The following ANO4 variants were observed in gnomAD, a reference collection of about 807,000 sequenced individuals.
ANO4 encodes the protein anoctamin-4.
A neutral mutation model predicts 141.9 loss-of-function variants in ANO4; 69 were observed. The ratio of observed to expected loss-of-function variants is 0.49; its 90% CI spans 0.40 to 0.59. The LOEUF is 0.59. Among genes scored for constraint, ANO4 ranks in the 20% least tolerant of loss-of-function variants. The probability of loss-of-function intolerance (pLI) is 0.00; values close to 1 mark genes in which losing one functional copy is unlikely to be tolerated. For missense variants in ANO4, 894 were observed against 1,162.2 expected (o/e 0.77, Z 3.36); for synonymous variants, 350 against 394.3 (o/e 0.89, Z 1.33).
chr12:101,125,357 A>C (rs2051265920), intron 26 of ANO4, among the ~76,000 whole-genome samples: 1 of 152,142 alleles, frequency 6.6e-6, no homozygotes, highest in Admixed American at 6.5e-5. Flanking sequence ...CAGCTTAAGA[A>C]GCTTTTGGGC....
At chr12:100,782,561 A>G (rs1593321213) in intron 3 of ANO4, among the ~76,000 whole-genome samples, 2 of 152,146 alleles carry the variant, frequency 1.3e-5, no homozygotes, top group South Asian at 2.1e-4. Context: ...AATGAAGAGC[A>G]TAGGTTTTAG....
In ANO4 at chr12:100,987,593, G is replaced by A. The variant is rs1020243865; in HGVS notation, c.657G>A (p.Arg219=). ...FRRWLPKKPM[R]LDKETLPDLE... ...GATGGTTACCTAAGAAGCCAATGAG[G>A]CTGGACAAGGAGACACTGCCAGACC... is the stretch of plus-strand genomic sequence containing the variant. Residue 219 remains arginine, a synonymous_variant, in exon 8 of 28, where the codon AGG becomes AGA. Transcript: ENST00000392977. 1.2e-6 allele frequency: 2 copies of A among 1,614,054 alleles called. No homozygotes were observed. Among genetic ancestry groups the A allele is most frequent in the African/African-American group, 1.3e-5 (1 of 75,012 alleles).
chr12:100,717,905 C>T (rs777985484), intron 1 of ANO4, among the ~76,000 whole-genome samples: 1 of 152,192 alleles, frequency 6.6e-6, no homozygotes, highest in Non-Finnish European at 1.5e-5. Context: ...GTTCAGCCAG[C>T]GCTTATCTTG....
At chr12:100,964,361 T>C (rs2043555540) in intron 5 of ANO4, among the ~76,000 whole-genome samples, 1 of 152,104 alleles carries the variant, frequency 6.6e-6, no homozygotes, top group Admixed American at 6.6e-5. Context: ...GCTGTGAAAA[T>C]TGAATGATTT....
rs116801462 is a variant in ANO4, at chr12:101,051,967, C to T, written c.1312+3566C>T. On this transcript the variant is annotated intron_variant, in intron 14 of 27. Coordinates refer to ENST00000392977, the MANE Select transcript of ANO4 (RefSeq NM_001286615.2). ...TGGTCTCAGGATCATCTCTTATGAT[C>T]GACAAGTTACAGCATTAAAGAAAAC... Among the ~76,000 whole-genome samples the T allele has an allele frequency of 2.2e-3, 330 of 152,132 alleles. 1 individual carries two copies. The highest frequency in any genetic ancestry group is 7.7e-3 in the African/African-American group (321 of 41,514).
At chr12:100,784,891 A>G (rs1298254485) in intron 3 of ANO4, among the ~76,000 whole-genome samples, 3 of 150,996 alleles carry the variant, frequency 2.0e-5, no homozygotes, top group African/African-American at 7.3e-5. Flanking sequence ...TTAGAACTTG[A>G]CTTTGTTTTA....
intron 3 of ANO4, among the ~76,000 whole-genome samples, chr12:100,785,289 G>T (rs1178850470): frequency 6.6e-6 from 1 of 152,070 alleles, no homozygotes; most frequent in Non-Finnish European, 1.5e-5. Context: ...CTCACTCTTG[G>T]TATGGTATAT....
chr12:101,051,048 T>A (rs748057337), intron 14 of ANO4, among the ~76,000 whole-genome samples: 4 of 152,212 alleles, frequency 2.6e-5, no homozygotes, highest in African/African-American at 4.8e-5. Context: ...ACAGTTTACC[T>A]CCTGAGACTA....
intron 13 of ANO4, among the ~76,000 whole-genome samples, chr12:101,047,347 C>A (rs1215519263): frequency 2.0e-5 from 3 of 152,104 alleles, no homozygotes; most frequent in African/African-American, 7.2e-5. Flanking sequence ...TACTGAGTGC[C>A]CAATATACAG....
intron 5 of ANO4, among the ~76,000 whole-genome samples, chr12:100,968,304 T>G (rs2043767502): frequency 1.3e-5 from 2 of 152,178 alleles, no homozygotes; most frequent in Admixed American, 1.3e-4. Context: ...TTTAATATAT[T>G]TTTAATGTTT....
At chr12:100,808,638 T>C (rs1189353763) in intron 1 of ANO4, among the ~76,000 whole-genome samples, 1 of 152,250 alleles carries the variant, frequency 6.6e-6, no homozygotes, top group Non-Finnish European at 1.5e-5. Flanking sequence ...TGACATGGTT[T>C]ATAAGTATTT....
At chr12:100,842,704 T>C (rs1277521891) in intron 1 of ANO4, among the ~76,000 whole-genome samples, 5 of 152,088 alleles carry the variant, frequency 3.3e-5, no homozygotes, top group African/African-American at 1.2e-4. Flanking sequence ...TGTTCTCTGC[T>C]TCCAAAATGG....
intron 4 of ANO4, among the ~76,000 whole-genome samples, chr12:100,940,861 A>G (rs1277621997): frequency 2.0e-5 from 3 of 152,166 alleles, no homozygotes; most frequent in African/African-American, 4.8e-5. Flanking sequence ...TCAATGTTGT[A>G]CAGCAAGCCC....
intron 1 of ANO4, among the ~76,000 whole-genome samples, chr12:100,834,631 A>G (rs1219978703): frequency 6.6e-6 from 1 of 152,130 alleles, no homozygotes; most frequent in African/African-American, 2.4e-5. Context: ...TGGAGCTTGT[A>G]TTTTGGTGGC....
At chr12:100,905,433 GA>G (rs1174295314) in intron 2 of ANO4, among the ~76,000 whole-genome samples, 1 of 152,108 alleles carries the variant, frequency 6.6e-6, no homozygotes, top group African/African-American at 2.4e-5. Context: ...CCACATCTCA[GA>G]AATTACAAAA....
chr12:100,951,053 C>A (rs2042950730), intron 5 of ANO4, among the ~76,000 whole-genome samples: 1 of 152,112 alleles, frequency 6.6e-6, no homozygotes, highest in South Asian at 2.1e-4. Flanking sequence ...TGAGGGAGGA[C>A]ATACATGTGG....
intron 18 of ANO4, 117 bp downstream of exon 18, chr12:101,094,409 C>G (rs1172360874): frequency 2.6e-6 from 2 of 782,562 alleles, no homozygotes; most frequent in African/African-American, 3.6e-5. Flanking sequence ...AAAATTCATA[C>G]AACAAGTTTT....
intron 1 of ANO4, among the ~76,000 whole-genome samples, chr12:100,827,790 G>A (rs918659983): frequency 5.9e-5 from 9 of 152,006 alleles, no homozygotes; most frequent in African/African-American, 2.2e-4. Context: ...TCCAGCCATT[G>A]CAGATGCAGA....
intron 8 of ANO4, among the ~76,000 whole-genome samples, chr12:100,992,265 A>T (rs780464923): frequency 6.6e-6 from 1 of 152,146 alleles, no homozygotes; most frequent in Non-Finnish European, 1.5e-5. Flanking sequence ...TATTACTATG[A>T]CTTACAAGCT....
Sources: allele counts gnomAD v4.1 joint callset (sites outside exome capture counted in the v4.1 genomes callset), GRCh38; gene constraint gnomAD v4.1.1; transcripts MANE v1.5; gene names NCBI Gene and HGNC (gene_info 2026-07-23, HGNC 2026-07-21).